The following RIMS2 variants were observed in gnomAD, a reference collection of about 807,000 sequenced individuals.
The protein encoded by RIMS2 is regulating synaptic membrane exocytosis 2.
Under a neutral mutation model 174.4 loss-of-function variants are expected in RIMS2, and 59 were observed. That is an observed-to-expected ratio of 0.34 (90% CI 0.27 to 0.42). RIMS2 has a LOEUF of 0.42. RIMS2 is among the 10% of genes least tolerant of loss of function. RIMS2 has a pLI of 1.00. For missense variants in RIMS2, 1,620 were observed against 1,666.3 expected (o/e 0.97, Z 0.48); for synonymous variants, 606 against 572.5 (o/e 1.06, Z -0.84).
chr8:103,587,405 AAAAGAAG>A (rs2093985739), intron 1 of RIMS2, among the ~76,000 whole-genome samples: 3 of 143,902 alleles, frequency 2.1e-5, no homozygotes, highest in East Asian at 2.0e-4. Context: ...TCAGGAAGAA[AAAAGAAG>A]AAAGAAAGAA....
At chr8:103,701,732 A>G (rs1384154185) in intron 2 of RIMS2, among the ~76,000 whole-genome samples, 1 of 152,080 alleles carries the variant, frequency 6.6e-6, no homozygotes, top group Non-Finnish European at 1.5e-5. Flanking sequence ...AATGACGTCC[A>G]ATTCCATCCA....
At chr8:103,954,878 G>C (rs1166958798) in intron 14 of RIMS2, among the ~76,000 whole-genome samples, 2 of 152,062 alleles carry the variant, frequency 1.3e-5, no homozygotes, top group Non-Finnish European at 2.9e-5. Flanking sequence ...AGAAAATAGA[G>C]AAGAATAAAA....
At chr8:103,943,030 A>AT in intron 14 of RIMS2, 104 bp downstream of exon 16, 1 of 807,392 alleles carries the variant, frequency 1.2e-6, no homozygotes, top group South Asian at 2.1e-5. Context: ...ATTAATAGTC[A>AT]TTTGTTAGTG....
intron 19 of RIMS2, among the ~76,000 whole-genome samples, chr8:104,082,668 G>A (rs1020868931): frequency 2.0e-5 from 3 of 151,632 alleles, no homozygotes; most frequent in Non-Finnish European, 4.4e-5. Flanking sequence ...AATATAGAAT[G>A]TTCTACATTT....
At chr8:103,912,411 T>A in intron 6 of RIMS2, among the ~76,000 whole-genome samples, 1 of 152,198 alleles carries the variant, frequency 6.6e-6, no homozygotes, top group East Asian at 1.9e-4. Context: ...AAAAGTAACC[T>A]AATTAAGATC....
At chr8:103,805,986 T>TA (rs1195540431) in intron 3 of RIMS2, among the ~76,000 whole-genome samples, 1 of 152,096 alleles carries the variant, frequency 6.6e-6, no homozygotes, top group Non-Finnish European at 1.5e-5. Flanking sequence ...CAATATAAAA[T>TA]AACTTTTTCA....
chr8:103,864,029 C>T (rs1438031522), intron 3 of RIMS2, among the ~76,000 whole-genome samples: 1 of 151,910 alleles, frequency 6.6e-6, no homozygotes, highest in East Asian at 1.9e-4. Context: ...CTGCCTCAGC[C>T]CCCAGAGCAG....
At chr8:103,848,658 A>G (rs752787138) in intron 3 of RIMS2, among the ~76,000 whole-genome samples, 1 of 151,910 alleles carries the variant, frequency 6.6e-6, no homozygotes, top group African/African-American at 2.4e-5. Flanking sequence ...CTAGAACCCT[A>G]TGGGTTTATG....
At chr8:104,045,226 T>C (rs183567398) in intron 19 of RIMS2, among the ~76,000 whole-genome samples, 11 of 151,928 alleles carry the variant, frequency 7.2e-5, no homozygotes, top group Non-Finnish European at 1.0e-4. Context: ...ACCACAATTA[T>C]AAGACCTTCA....
intron 1 of RIMS2, among the ~76,000 whole-genome samples, chr8:103,624,810 G>C (rs796758742): frequency 1.5e-4 from 23 of 152,098 alleles, no homozygotes; most frequent in African/African-American, 5.1e-4. Flanking sequence ...TAAGTCTTAC[G>C]AGTGGTTTTC....
At chr8:104,032,112 C>T (rs769125300) in intron 19 of RIMS2, among the ~76,000 whole-genome samples, 1 of 151,788 alleles carries the variant, frequency 6.6e-6, no homozygotes, top group Non-Finnish European at 1.5e-5. Context: ...TACTTGCTTC[C>T]CTAAAAAGTA....
At chr8:104,059,144 A>G (rs1023828600) in intron 19 of RIMS2, among the ~76,000 whole-genome samples, 6 of 151,524 alleles carry the variant, frequency 4.0e-5, no homozygotes, top group Non-Finnish European at 7.4e-5. Flanking sequence ...CATTGAATCT[A>G]TAAATTACCT....
At chr8:103,873,418 A>T (rs2099121658) in intron 3 of RIMS2, among the ~76,000 whole-genome samples, 1 of 152,118 alleles carries the variant, frequency 6.6e-6, no homozygotes, top group Non-Finnish European at 1.5e-5. Context: ...CACTTTTTAC[A>T]TGGAGACCAA....
At chr8:103,678,998 A>C (rs2096847901) in intron 1 of RIMS2, among the ~76,000 whole-genome samples, 1 of 152,050 alleles carries the variant, frequency 6.6e-6, no homozygotes, top group Admixed American at 6.6e-5. Context: ...AATATAATGC[A>C]ATTTTAATAA....
chr8:103,652,772 A>G (rs1273410151), intron 1 of RIMS2, 62 bp downstream of exon 3: 4 of 1,006,942 alleles, frequency 4.0e-6, no homozygotes, highest in South Asian at 1.3e-5. Context: ...ACTGAAAAGT[A>G]TGTGTTAAAA....
At chr8:104,070,981 A>C (rs924113580) in intron 19 of RIMS2, among the ~76,000 whole-genome samples, 24 of 152,108 alleles carry the variant, frequency 1.6e-4, no homozygotes, top group Non-Finnish European at 1.5e-4. Context: ...CATGTGGGCT[A>C]TATGTCAACA....
intron 1 of RIMS2, among the ~76,000 whole-genome samples, chr8:103,675,129 C>G (rs1380660689): frequency 6.6e-6 from 1 of 152,204 alleles, no homozygotes; most frequent in African/African-American, 2.4e-5. Flanking sequence ...CCTGGCTGGT[C>G]TCGAACTCCT....
intron 4 of RIMS2, among the ~76,000 whole-genome samples, chr8:103,902,512 T>C (rs993530028): frequency 1.1e-4 from 16 of 152,272 alleles, no homozygotes; most frequent in African/African-American, 3.8e-4. Context: ...AGCAACTCCA[T>C]GGAACATAGT....
At chr8:103,706,356 A>G (rs1006537013) in intron 2 of RIMS2, among the ~76,000 whole-genome samples, 2 of 152,144 alleles carry the variant, frequency 1.3e-5, no homozygotes, top group African/African-American at 2.4e-5. Flanking sequence ...GTTTTAGTGT[A>G]GTCTGAATTT....
Sources: allele counts gnomAD v4.1 joint callset (sites outside exome capture counted in the v4.1 genomes callset), GRCh38; gene constraint gnomAD v4.1.1; transcripts MANE v1.5; gene names NCBI Gene and HGNC (gene_info 2026-07-23, HGNC 2026-07-21).